The following MALL variants were observed in gnomAD, a reference collection of about 807,000 sequenced individuals.
MALL encodes the protein mal, T cell differentiation protein like.
Under a neutral mutation model 10.3 loss-of-function variants are expected in MALL, and 2 were observed. That is an observed-to-expected ratio of 0.19 (90% confidence interval 0.08 to 0.61). MALL has a LOEUF of 0.61. MALL is among the 20% of genes least tolerant of loss of function. The pLI is 0.88. For synonymous variants in MALL, 27 were observed against 51.8 expected (o/e 0.52, Z 2.05); for missense variants, 39 against 115.2 (o/e 0.34, Z 3.03).
rs536264504 is a variant in MALL at position 110,096,310 on chromosome 2, G to A, written c.106-4540C>T. On this transcript the variant is annotated intron_variant, in intron 1 of 3. Coordinates refer to ENST00000272462, the MANE Select transcript of MALL (RefSeq NM_005434.5). ...ACCTCCAGTCCATGCACCATGCAGC[G>A]CCTTTCCTCCTGGGTTTGAATCCCA... Among the ~76,000 whole-genome samples the A allele has an allele frequency of 1.2e-3, 186 of 152,224 alleles. 1 individual carries two copies. Among genetic ancestry groups the A allele is most frequent in the African/African-American group, 4.1e-3 (172 of 41,542 alleles).
chr2:110,114,067 C>T (rs544462536), intron 1 of MALL, among the ~76,000 whole-genome samples: 4 of 152,154 alleles, frequency 2.6e-5, no homozygotes, highest in Admixed American at 6.5e-5. Context: ...AGGGCAGGTG[C>T]GGCCAACATG....
chr2:110,108,838 A>G (rs1678746536), intron 1 of MALL, among the ~76,000 whole-genome samples: 1 of 152,226 alleles, frequency 6.6e-6, no homozygotes, highest in African/African-American at 2.4e-5. Context: ...TTAGCAGCAG[A>G]TTTCTCAGCA....
upstream of MALL, chr2:110,116,556 C>CCAGT (rs1678926831): frequency 6.6e-6 from 1 of 152,536 alleles, no homozygotes; most frequent in African/African-American, 2.4e-5. Flanking sequence ...TGGCTGGCTG[C>CCAGT]TGCCTCTAGT....
intron 1 of MALL, among the ~76,000 whole-genome samples, chr2:110,098,378 C>T (rs968824566): frequency 1.3e-5 from 2 of 151,944 alleles, no homozygotes; most frequent in Non-Finnish European, 1.5e-5. Flanking sequence ...AACAACAACT[C>T]CCCACTCTTC....
chr2:110,104,160 AT>A (rs1678636940), intron 1 of MALL, among the ~76,000 whole-genome samples: 1 of 152,068 alleles, frequency 6.6e-6, no homozygotes, highest in African/African-American at 2.4e-5. Context: ...AGACAGCTTC[AT>A]CTATAGGTTT....
chr2:110,107,685 C>T (rs771866712), intron 1 of MALL, among the ~76,000 whole-genome samples: 40 of 152,320 alleles, frequency 2.6e-4, no homozygotes, highest in African/African-American at 9.1e-4. Context: ...CATACTACTA[C>T]AGCTGCTGCT....
At chr2:110,098,877 C>T (rs553078508) in intron 1 of MALL, among the ~76,000 whole-genome samples, 3 of 152,186 alleles carry the variant, frequency 2.0e-5, no homozygotes, top group Non-Finnish European at 4.4e-5. Context: ...TGGCACATGC[C>T]TGTAGTCTCA....
At chr2:110,113,046 AT>A (rs1039377563) in intron 1 of MALL, among the ~76,000 whole-genome samples, 3 of 152,108 alleles carry the variant, frequency 2.0e-5, no homozygotes, top group Non-Finnish European at 2.9e-5. Flanking sequence ...TCTCACTGAT[AT>A]GTGGGAGCTA....
chr2:110,103,930 C>T (rs996109845), intron 1 of MALL, among the ~76,000 whole-genome samples: 4 of 152,118 alleles, frequency 2.6e-5, no homozygotes, highest in Admixed American at 6.5e-5. Flanking sequence ...TGTGGGCTCC[C>T]TCGGTGGCTG....
intron 1 of MALL, among the ~76,000 whole-genome samples, chr2:110,114,188 C>T (rs1443131962): frequency 6.6e-6 from 1 of 152,094 alleles, no homozygotes; most frequent in Non-Finnish European, 1.5e-5. Flanking sequence ...CTCTTTCCCC[C>T]CAGCCTGTAA....
rs1013411201 is a variant in MALL at position 110,112,046 on chromosome 2, C to A, written c.105+3642G>T. Among the ~76,000 whole-genome samples the A allele has an allele frequency of 3.9e-5, 6 of 152,146 alleles. No individual in the cohort carries two copies. In the South Asian group the frequency reaches 1.2e-3, roughly 32 times the overall value. On this transcript the variant is annotated intron_variant, in intron 1 of 3. Coordinates refer to ENST00000272462, the MANE Select transcript of MALL (RefSeq NM_005434.5). ...GCTACCCACATGTAGGGGATTGAAA[C>A]TGGATCCTCATCTCTCACCTTATAC...
At chr2:110,115,909 G>T (rs889318651), upstream of MALL, 12 of 394,824 alleles carry the variant, frequency 3.0e-5, no homozygotes, top group Admixed American at 1.4e-4. Flanking sequence ...AAAAAAAAAC[G>T]TTCCAGCCGA....
chr2:110,100,815 G>A (rs1678548877), intron 1 of MALL, among the ~76,000 whole-genome samples: 1 of 152,202 alleles, frequency 6.6e-6, no homozygotes, highest in Non-Finnish European at 1.5e-5. Context: ...GGGTCTGGGT[G>A]GGAGTGGGAG....
At chr2:110,117,588 TG>T, upstream of MALL, among the ~76,000 whole-genome samples, 1 of 33,366 alleles carries the variant, frequency 3.0e-5, no homozygotes, top group East Asian at 1.1e-3. Context: ...ACCAAAGCAA[TG>T]TGTGTGTGTG....
intron 1 of MALL, among the ~76,000 whole-genome samples, 173 bp downstream of exon 1, chr2:110,115,515 G>C (rs1011521605): frequency 1.3e-5 from 2 of 148,232 alleles, no homozygotes; most frequent in African/African-American, 5.0e-5. Context: ...GCGCGGTCCG[G>C]TCTGGGTCCG....
intron 1 of MALL, among the ~76,000 whole-genome samples, chr2:110,105,838 AG>A (rs1678675685): frequency 6.6e-6 from 1 of 152,124 alleles, no homozygotes; most frequent in African/African-American, 2.4e-5. Flanking sequence ...AGTTGGCCCT[AG>A]GGGGCTCCCG....
chr2:110,096,000 G>T (rs1387939764), intron 1 of MALL, among the ~76,000 whole-genome samples: 1 of 152,208 alleles, frequency 6.6e-6, no homozygotes, highest in Non-Finnish European at 1.5e-5. Flanking sequence ...CACTTTTGGA[G>T]GATGCTTATT....
chr2:110,095,641 G>A (rs1678424362), intron 1 of MALL, among the ~76,000 whole-genome samples: 2 of 150,942 alleles, frequency 1.3e-5, no homozygotes, highest in African/African-American at 2.4e-5. Context: ...TAAATTTAAC[G>A]ATGTAGTGTG....
chr2:110,114,215 G>A (rs560305275), intron 1 of MALL, among the ~76,000 whole-genome samples: 2 of 152,078 alleles, frequency 1.3e-5, no homozygotes, highest in Admixed American at 6.5e-5. Flanking sequence ...GTTCTTTGAG[G>A]TCCAACTCTT....
Sources: gnomAD v4.1 joint callset for allele counts (sites outside exome capture counted in the v4.1 genomes callset) on GRCh38, gnomAD v4.1.1 for gene constraint, MANE v1.5 for transcripts, NCBI Gene and HGNC (gene_info 2026-07-23, HGNC 2026-07-21) for gene names.